BIRC7: variants seen among roughly 807,000 people sequenced by gnomAD.
BIRC7 encodes the protein baculoviral IAP repeat-containing protein 7.
BIRC7 carries 26 observed loss-of-function variants against 33.2 expected under a neutral mutation model. The observed-to-expected ratio is 0.78, with a 90% CI of 0.57 to 1.09. The LOEUF is 1.09. BIRC7 is among the 50% of genes least tolerant of loss of function. The pLI, the probability that BIRC7 is intolerant of heterozygous loss-of-function variation, is 0.00. For missense variants in BIRC7, 409 were observed against 401.2 expected, an observed-to-expected ratio of 1.02 and a Z score of -0.17; for synonymous variants, 176 against 171.0, an observed-to-expected ratio of 1.03 and a Z score of -0.23.
intron 1 of BIRC7, among the ~76,000 whole-genome samples, chr20:63,237,559 G>A (rs1434236825): frequency 6.6e-6 from 1 of 152,134 alleles, no homozygotes; most frequent in Non-Finnish European, 1.5e-5. Context: ...GCAGAGACCT[G>A]GGGAGGGGCC....
intron 2 of BIRC7, 75 bp downstream of exon 2, chr20:63,238,077 A>G (rs1008891414): frequency 4.5e-6 from 6 of 1,330,622 alleles, no homozygotes; most frequent in Non-Finnish European, 6.1e-6. Flanking sequence ...TGTCGACCCA[A>G]CACCAGGCCT....
At chr20:63,239,836 G>A (rs992764196) in intron 6 of BIRC7, among the ~76,000 whole-genome samples, 1 of 152,246 alleles carries the variant, frequency 6.6e-6, no homozygotes, top group Non-Finnish European at 1.5e-5. Context: ...GGCCACCATA[G>A]CTCTGCCTGC....
At position 63,237,960 on chromosome 20, in the gene BIRC7, G is replaced by T; in HGVS notation, c.407G>T (p.Arg136Leu). The T allele has an allele frequency of 6.2e-7, 1 of 1,608,932 alleles. No individual in the cohort carries two copies. The highest frequency in any genetic ancestry group is 8.5e-7 in the Non-Finnish European group (1 of 1,178,574). The part of the protein sequence containing the change: ...FCYGGLQSWK[R>L]GDDPWTEHAK... ...TATGGGGGCCTGCAGAGCTGGAAGC[G>T]CGGGGACGACCCCTGGACGGAGCAT... Residue 136 changes from arginine to leucine, a missense_variant, in exon 2 of 7, where the codon CGC (arginine) becomes CTC (leucine). Physicochemically the swap from Arg to Leu is moderately radical, Grantham distance 102. Coordinates refer to ENST00000217169, the MANE Select transcript of BIRC7 (RefSeq NM_139317.3).
Position 63,236,112 on chromosome 20 carries a change from A to G in BIRC7, c.16A>G (p.Ser6Gly), listed in dbSNP as rs1343548682. 16 of 1,559,072 alleles carry G rather than the reference A, an allele frequency of 1.0e-5. No individual in the cohort carries two copies. The highest frequency in any genetic ancestry group is 1.4e-5 in the Non-Finnish European group (16 of 1,146,320). Residue 6 changes from serine (S) to glycine (G), a missense_variant, in exon 1 of 7, where the codon AGT (serine) becomes GGT (glycine). Transcript: ENST00000217169. ...TGTTCCCTCCATGGGACCTAAAGAC[A>G]GTGCCAAGTGCCTGCACCGTGGACC... is the stretch of plus-strand genomic sequence containing the variant. MGPKD[S>G]AKCLHRGPQP...
chr20:63,236,189 A>G lies in BIRC7; in HGVS notation c.93A>G (p.Gly31=), dbSNP rs1229493822. ...ATGGTCCCACGCAGGAGCGCTGTGGACCCCGCTCTCTGGGCAGCCCTGTCC... is the reference window on the plus strand; with the variant it reads ...ATGGTCCCACGCAGGAGCGCTGTGGGCCCCGCTCTCTGGGCAGCCCTGTCC... ...AGDGPTQERC[G]PRSLGSPVLG... is the part of the protein sequence containing the mutation. The change falls in exon 1 of 7, where the codon GGA becomes GGG. Residue 31 remains glycine, a synonymous_variant. Coordinates refer to ENST00000217169, the MANE Select transcript of BIRC7 (RefSeq NM_139317.3). The G allele has an allele frequency of 1.9e-6, 3 of 1,589,464 alleles. No individual in the cohort carries two copies. The African/African-American group carries it at 4.0e-5, about 21-fold the overall frequency.
At chr20:63,236,629 G>C (rs1025255199) in intron 1 of BIRC7, among the ~76,000 whole-genome samples, 184 bp downstream of exon 1, 1 of 152,186 alleles carries the variant, frequency 6.6e-6, no homozygotes, top group African/African-American at 2.4e-5. Context: ...ACCCTCCCCC[G>C]GAGTCTCTGC....
intron 1 of BIRC7, 56 bp from the exon 2 acceptor site, chr20:63,237,847 G>C: frequency 1.4e-6 from 2 of 1,460,070 alleles, no homozygotes; most frequent in Admixed American, 2.4e-5. Flanking sequence ...AGGACACACC[G>C]GGGGCCCGGG....
At chr20:63,239,092 G>T in intron 4 of BIRC7, 70 bp from the exon 5 acceptor site, 7 of 1,498,524 alleles carry the variant, frequency 4.7e-6, no homozygotes, top group Non-Finnish European at 6.5e-6. Context: ...ACAGGCTGCA[G>T]ACCTGTATCT....
At position 63,238,589 on chromosome 20, in the gene BIRC7, A is replaced by C. The variant is rs766054062; in HGVS notation, c.552A>C (p.Glu184Asp). 1.2e-6 allele frequency: 2 copies of C among 1,613,040 alleles called. No homozygotes were observed. Among genetic ancestry groups the C allele is most frequent in the South Asian group, 1.1e-5 (1 of 91,088 alleles). Residue 184 changes from glutamate to aspartate, a missense_variant, in exon 4 of 7, where the codon GAA becomes GAC. Transcript: ENST00000217169. ...TCCAGGACCCGTGGGAAGAACCGGA[A>C]GACGCAGCCCCTGTGGCCCCCTCCG... The part of the protein sequence containing the change: ...LGSWDPWEEP[E>D]DAAPVAPSVP...
Position 63,236,327 on chromosome 20 carries a change from G to A in BIRC7, c.231G>A (p.Arg77=), listed in dbSNP as rs2066688420. The A allele has an allele frequency of 6.2e-7, 1 of 1,606,366 alleles. No homozygotes were observed. The change falls in exon 1 of 7, where the codon AGG becomes AGA. Residue 77 remains arginine, a synonymous_variant. Coordinates refer to ENST00000217169, the MANE Select transcript of BIRC7 (RefSeq NM_139317.3). ...AGGGCGCCGGGGCCACCTTGTCCAG[G>A]GGGCCTGCCTTCCCCGGCATGGGCT... ...EEEGAGATLS[R]GPAFPGMGSE...
Position 63,239,452 on chromosome 20 carries a change from G to A in BIRC7, c.744G>A (p.Glu248=). 6.2e-7 allele frequency: 1 copy of A among 1,606,896 alleles called. No homozygotes were observed. The highest frequency in any genetic ancestry group is 8.5e-7 in the Non-Finnish European group (1 of 1,179,878). Residue 248 remains glutamate (E), a synonymous_variant, in exon 6 of 7, where the codon GAG becomes GAA. Coordinates refer to ENST00000217169, the MANE Select transcript of BIRC7 (RefSeq NM_139317.3). ...DVEAQLRRLQ[E]ERTCKVCLDR... is the part of the protein sequence containing the mutation. The stretch of plus-strand genomic sequence containing the variant: ...AGGCGCAGCTGCGGCGGCTGCAGGA[G>A]GAGAGGACGTGCAAGGTGTGCCTGG...
chr20:63,237,235 G>T lies in BIRC7; in HGVS notation c.350-668G>T, dbSNP rs576848662. On this transcript the variant is annotated intron_variant, in intron 1 of 6. Coordinates refer to ENST00000217169, the MANE Select transcript of BIRC7 (RefSeq NM_139317.3). ...CAGAAGCCGTGGCGTGAAGGGGCAG[G>T]CCCAGCTCACCCACCTCCCTGGAAG... Among the ~76,000 whole-genome samples the T allele has an allele frequency of 1.1e-4, 17 of 152,316 alleles. No individual in the cohort carries two copies. In the East Asian group the frequency reaches 3.3e-3, roughly 29 times the overall value.
At chr20:63,238,708 G>A in intron 4 of BIRC7, 94 bp downstream of exon 4, 1 of 1,502,478 alleles carries the variant, frequency 6.7e-7, no homozygotes, top group Non-Finnish European at 9.1e-7. Flanking sequence ...CAGACAGCAG[G>A]GAGAGTGACG....
rs143985809 is a variant in BIRC7 at position 63,237,311 on chromosome 20, C to T, written c.350-592C>T. On this transcript the variant is annotated intron_variant, in intron 1 of 6. Transcript: ENST00000217169. ...GGCAAGAGGCATGGCAGGTGCAGAG[C>T]CGGGGTCTTTGGGGCTGGTAGAGGT... is the stretch of plus-strand genomic sequence containing the variant. Among the ~76,000 whole-genome samples, 873 of 152,322 alleles carry T rather than the reference C, an allele frequency of 5.7e-3. 7 individuals are homozygous for T. The highest frequency in any genetic ancestry group is 0.02 in the African/African-American group (814 of 41,568).
At chr20:63,238,036 T>C (rs769276793) in intron 2 of BIRC7, 34 bp downstream of exon 2, 15 of 1,534,614 alleles carry the variant, frequency 9.8e-6, no homozygotes, top group Non-Finnish European at 1.3e-5. Context: ...CCGGGTCTGA[T>C]CATGGGTAGG....
chr20:63,237,725 C>G (rs1425981685), intron 1 of BIRC7, among the ~76,000 whole-genome samples, 178 bp from the exon 2 acceptor site: 1 of 152,142 alleles, frequency 6.6e-6, no homozygotes, highest in Non-Finnish European at 1.5e-5. Context: ...CCCTTTTCAC[C>G]TTTGATGCTA....
intron 2 of BIRC7, 68 bp downstream of exon 2, chr20:63,238,070 C>G (rs1601255770): frequency 2.2e-6 from 3 of 1,363,920 alleles, no homozygotes; most frequent in Non-Finnish European, 3.0e-6. Flanking sequence ...ACGGCTCTGT[C>G]GACCCAACAC....
chr20:63,239,663 G>A (rs1274528245), intron 6 of BIRC7, 53 bp downstream of exon 6: 13 of 1,532,518 alleles, frequency 8.5e-6, no homozygotes, highest in Non-Finnish European at 9.6e-6. Flanking sequence ...GGGGCCCTGA[G>A]CCGGCTGTGC....
Position 63,239,515 on chromosome 20 carries a change from C to T in BIRC7, c.807C>T (p.His269=). 6.2e-7 allele frequency: 1 copy of T among 1,605,976 alleles called. No individual in the cohort carries two copies. The change falls in exon 6 of 7, where the codon CAC becomes CAT. Residue 269 remains histidine (H), a synonymous_variant. Transcript: ENST00000217169. ...AVSIVFVPCG[H]LVCAECAPGL... ...CCATCGTCTTTGTGCCGTGCGGCCACCTGGTCTGTGCTGAGTGTGCCCCCG... is the reference window on the plus strand; with the variant it reads ...CCATCGTCTTTGTGCCGTGCGGCCATCTGGTCTGTGCTGAGTGTGCCCCCG...
Sources: gnomAD v4.1 joint callset for allele counts (sites outside exome capture counted in the v4.1 genomes callset) on GRCh38, gnomAD v4.1.1 for gene constraint, MANE v1.5 for transcripts, NCBI Gene and HGNC (gene_info 2026-07-23, HGNC 2026-07-21) for gene names.